Variants in CCDC171 observed in about 807,000 individuals in gnomAD.
CCDC171 encodes the protein coiled-coil domain containing 171, also known as coiled-coil domain-containing protein 171.
In CCDC171, 177 loss-of-function variants were observed where a neutral mutation model predicts 168.2. That is an observed-to-expected ratio of 1.05 (90% CI 0.93 to 1.19). The LOEUF (loss-of-function observed/expected upper bound fraction) is 1.19, where lower values mean the gene tolerates loss of function less well. Ranked by LOEUF, CCDC171 falls within the 50% of genes most tolerant of loss-of-function variation. The pLI is 0.00. For missense variants in CCDC171, 1,991 were observed against 1,539.0 expected (o/e 1.29, Z -4.91); for synonymous variants, 687 against 540.8 (o/e 1.27, Z -3.75).
chr9:15,769,555 C>T (rs1013835779), intron 18 of CCDC171, among the ~76,000 whole-genome samples: 2 of 152,164 alleles, frequency 1.3e-5, no homozygotes, highest in Non-Finnish European at 2.9e-5. Context: ...GACTTTGGCG[C>T]TAATAGAAGT....
At chr9:15,991,943 T>C (rs1832214037) in intron 3 of CCDC171, among the ~76,000 whole-genome samples, 1 of 152,114 alleles carries the variant, frequency 6.6e-6, no homozygotes, top group Non-Finnish European at 1.5e-5. Context: ...ATTAATAGCC[T>C]ACCAACCAAA....
intron 24 of CCDC171, among the ~76,000 whole-genome samples, chr9:15,889,826 G>A (rs991238161): frequency 6.6e-6 from 1 of 152,138 alleles, no homozygotes; most frequent in African/African-American, 2.4e-5. Context: ...AGACTCTGCT[G>A]GTATTCAGAC....
intron 21 of CCDC171, among the ~76,000 whole-genome samples, chr9:15,836,044 A>G (rs2060432671): frequency 6.6e-6 from 1 of 152,194 alleles, no homozygotes; most frequent in Non-Finnish European, 1.5e-5. Flanking sequence ...ATATTTAATT[A>G]AACTTCATAT....
chr9:15,682,282 A>G (rs2050090810), intron 10 of CCDC171, among the ~76,000 whole-genome samples: 1 of 152,028 alleles, frequency 6.6e-6, no homozygotes. Flanking sequence ...GGCTTTAGAG[A>G]TCATCTAGCC....
At chr9:15,795,563 G>C (rs1032727799) in intron 21 of CCDC171, among the ~76,000 whole-genome samples, 1 of 152,156 alleles carries the variant, frequency 6.6e-6, no homozygotes, top group African/African-American at 2.4e-5. Flanking sequence ...TGATGAGAAG[G>C]AGCTGAACTC....
At chr9:15,786,889 A>G (rs769801127) in intron 21 of CCDC171, among the ~76,000 whole-genome samples, 7 of 152,056 alleles carry the variant, frequency 4.6e-5, no homozygotes, top group South Asian at 4.2e-4. Context: ...ACCACCTTCA[A>G]CTGTAGCTTT....
At chr9:15,988,878 G>A (rs969784765) in intron 3 of CCDC171, among the ~76,000 whole-genome samples, 3 of 152,166 alleles carry the variant, frequency 2.0e-5, no homozygotes, top group Admixed American at 6.5e-5. Context: ...GCAGGGCTGG[G>A]GGAGGGGTGC....
At chr9:16,079,095 T>A in the CCDC171 span, among the ~76,000 whole-genome samples, 1 of 152,220 alleles carries the variant, frequency 6.6e-6, no homozygotes, top group East Asian at 1.9e-4. Context: ...TCAAGCTTTT[T>A]ATTGCACCCT....
chr9:15,820,587 G>C (rs1193509572), intron 21 of CCDC171, among the ~76,000 whole-genome samples: 1 of 117,750 alleles, frequency 8.5e-6, no homozygotes, highest in East Asian at 2.1e-4. Flanking sequence ...AGAAAATCTA[G>C]AAGAAATGGA....
At chr9:15,699,415 G>A (rs2051498161) in intron 11 of CCDC171, among the ~76,000 whole-genome samples, 2 of 152,160 alleles carry the variant, frequency 1.3e-5, no homozygotes, top group Non-Finnish European at 2.9e-5. Context: ...CAGTGTGGAA[G>A]GGGACCCGAG....
At chr9:15,770,503 G>A (rs1207550625) in intron 18 of CCDC171, among the ~76,000 whole-genome samples, 1 of 152,088 alleles carries the variant, frequency 6.6e-6, no homozygotes, top group African/African-American at 2.4e-5. Flanking sequence ...CAGTACAAAT[G>A]TATCATTTGT....
intron 24 of CCDC171, among the ~76,000 whole-genome samples, chr9:15,907,385 C>G (rs905947998): frequency 6.6e-6 from 1 of 152,108 alleles, no homozygotes; most frequent in Non-Finnish European, 1.5e-5. Context: ...TTTGACAAAC[C>G]TGACAAAAAC....
chr9:15,601,117 C>T lies in CCDC171; in HGVS notation c.675+6945C>T, dbSNP rs114878840. On this transcript the variant is annotated intron_variant, in intron 6 of 25. Coordinates refer to ENST00000380701, the MANE Select transcript of CCDC171 (RefSeq NM_173550.4). Reference sequence around the variant, plus strand: ...CGATGCCTCGCCCTGCTTCGACTCACGCTCAGTGCACTGCACCCACTGTCC... The same window carrying T: ...CGATGCCTCGCCCTGCTTCGACTCATGCTCAGTGCACTGCACCCACTGTCC... 9.5e-3 allele frequency among the ~76,000 whole-genome samples: 1,444 copies of T among 152,322 alleles called. 25 individuals carry two copies. Among genetic ancestry groups the T allele is most frequent in the African/African-American group, 0.033 (1,375 of 41,578 alleles).
upstream of CCDC171, among the ~76,000 whole-genome samples, chr9:16,042,250 G>T (rs1297148054): frequency 6.6e-6 from 1 of 152,170 alleles, no homozygotes; most frequent in Non-Finnish European, 1.5e-5. Flanking sequence ...AGACCAGAGA[G>T]CCTTTTGCAG....
intron 21 of CCDC171, among the ~76,000 whole-genome samples, chr9:15,846,139 A>G (rs1034225701): frequency 6.6e-6 from 1 of 152,054 alleles, no homozygotes; most frequent in African/African-American, 2.4e-5. Context: ...CTGGGAAGCA[A>G]GTAGATTTTA....
chr9:15,856,293 C>G (rs1023916912), intron 23 of CCDC171, among the ~76,000 whole-genome samples: 1 of 151,936 alleles, frequency 6.6e-6, no homozygotes, highest in Non-Finnish European at 1.5e-5. Context: ...ATCCATCTGG[C>G]ATAACTGAAG....
the CCDC171 span, among the ~76,000 whole-genome samples, chr9:16,091,472 C>T: frequency 1.3e-5 from 2 of 152,166 alleles, no homozygotes; most frequent in Non-Finnish European, 2.9e-5. Flanking sequence ...TCAGGAGTCA[C>T]CATCTAGTGT....
downstream of CCDC171, among the ~76,000 whole-genome samples, chr9:15,974,310 A>C (rs1470140523): frequency 6.6e-6 from 1 of 152,186 alleles, no homozygotes; most frequent in Non-Finnish European, 1.5e-5. Context: ...AGATCTGAGA[A>C]ACTCTAGACT....
At chr9:16,016,314 G>T (rs1378511137) in intron 3 of CCDC171, among the ~76,000 whole-genome samples, 2 of 152,170 alleles carry the variant, frequency 1.3e-5, no homozygotes, top group African/African-American at 4.8e-5. Context: ...TGGAAGGGTT[G>T]TGGTGATTTA....
Sources: gnomAD v4.1 joint callset for allele counts (sites outside exome capture counted in the v4.1 genomes callset) on GRCh38, gnomAD v4.1.1 for gene constraint, MANE v1.5 for transcripts, NCBI Gene and HGNC (gene_info 2026-07-23, HGNC 2026-07-21) for gene names.